Variants in RPTOR observed in about 807,000 individuals in gnomAD.
RPTOR encodes the protein regulatory-associated protein of mTOR.
RPTOR carries 21 observed loss-of-function variants against 169.9 expected under a neutral mutation model. The observed-to-expected ratio is 0.12, with a 90% CI of 0.09 to 0.18. The LOEUF is 0.18. Ranked by LOEUF, RPTOR falls within the 10% of genes least tolerant of loss-of-function variation. The probability of loss-of-function intolerance (pLI) is 1.00; values close to 1 mark genes in which losing one functional copy is unlikely to be tolerated. For missense variants in RPTOR, 1,133 were observed against 1,855.9 expected (o/e 0.61, Z 7.16); for synonymous variants, 732 against 753.2 (o/e 0.97, Z 0.46).
intron 1 of RPTOR, among the ~76,000 whole-genome samples, chr17:80,564,754 T>C (rs534459236): frequency 5.2e-4 from 79 of 152,122 alleles, no homozygotes; most frequent in Non-Finnish European, 6.2e-4. Flanking sequence ...TCCCACCGTC[T>C]ACCCTCAAGT....
chr17:80,923,855 C>G (rs2068778362), intron 23 of RPTOR, 182 bp downstream of exon 23: 1 of 650,006 alleles, frequency 1.5e-6, no homozygotes, highest in Non-Finnish European at 2.6e-6. Context: ...CTCACTCGTG[C>G]ACCCCTCTGC....
At chr17:80,684,478 C>G (rs1326439120) in intron 3 of RPTOR, among the ~76,000 whole-genome samples, 2 of 151,668 alleles carry the variant, frequency 1.3e-5, no homozygotes, top group Non-Finnish European at 2.9e-5. Context: ...TAGTCTCGCT[C>G]TGCCGCCCAG....
intron 1 of RPTOR, among the ~76,000 whole-genome samples, chr17:80,550,467 C>T (rs2084331091): frequency 6.6e-6 from 1 of 152,178 alleles, no homozygotes; most frequent in Admixed American, 6.5e-5. Flanking sequence ...CCCTCCCTAG[C>T]AGATCTCATC....
At chr17:80,590,558 C>T (rs1281859687) in intron 1 of RPTOR, among the ~76,000 whole-genome samples, 2 of 146,618 alleles carry the variant, frequency 1.4e-5, no homozygotes, top group Non-Finnish European at 1.5e-5. Flanking sequence ...TGCAGGTATG[C>T]GCACATGCGT....
chr17:80,648,718 G>A (rs760819632), intron 3 of RPTOR, among the ~76,000 whole-genome samples: 1 of 151,994 alleles, frequency 6.6e-6, no homozygotes, highest in Non-Finnish European at 1.5e-5. Flanking sequence ...CAAATGTTTT[G>A]GAATGAATTT....
intron 3 of RPTOR, among the ~76,000 whole-genome samples, chr17:80,700,997 C>T (rs1404153693): frequency 6.6e-6 from 1 of 152,048 alleles, no homozygotes; most frequent in Non-Finnish European, 1.5e-5. Flanking sequence ...GGGTGAAAGA[C>T]AAGAAGGTGT....
chr17:80,869,161 G>GT lies in RPTOR; in HGVS notation c.1510-11247dup, dbSNP rs201527465. 6.4e-4 allele frequency among the ~76,000 whole-genome samples: 97 copies of GT among 152,016 alleles called. No individual in the cohort carries two copies. The East Asian group carries it at 0.015, about 23-fold the overall frequency. On this transcript the variant is annotated intron_variant, in intron 13 of 33. Transcript: ENST00000306801. The stretch of plus-strand genomic sequence containing the variant: ...ACTGTTCCCTTCTAGATTTTATTTT[G>GT]TTTTTTTATTTTTTCTGAGATAGAG...
intron 13 of RPTOR, among the ~76,000 whole-genome samples, chr17:80,870,319 C>T (rs932991297): frequency 3.3e-5 from 5 of 152,184 alleles, no homozygotes; most frequent in African/African-American, 9.7e-5. Context: ...GGAAGGAACC[C>T]GCACTATGAA....
intron 12 of RPTOR, among the ~76,000 whole-genome samples, chr17:80,855,898 C>T (rs887776786): frequency 6.6e-6 from 1 of 152,210 alleles, no homozygotes; most frequent in African/African-American, 2.4e-5. Flanking sequence ...GCAGCACCCA[C>T]CTCGTGGTGC....
intron 24 of RPTOR, among the ~76,000 whole-genome samples, chr17:80,934,717 G>T (rs2068935721): frequency 6.6e-6 from 1 of 152,104 alleles, no homozygotes. Context: ...AGTTTCGCTG[G>T]CAACTGTACC....
At chr17:80,637,420 C>T (rs186031086) in intron 2 of RPTOR, among the ~76,000 whole-genome samples, 7 of 152,350 alleles carry the variant, frequency 4.6e-5, no homozygotes, top group Admixed American at 1.3e-4. Context: ...CCCCTGCTGA[C>T]GGCCAAGACC....
intron 7 of RPTOR, among the ~76,000 whole-genome samples, chr17:80,813,285 C>T (rs1163391292): frequency 6.6e-6 from 1 of 152,154 alleles, no homozygotes; most frequent in South Asian, 2.1e-4. Context: ...CAGGAATGCA[C>T]GTTTCCTTGG....
intron 26 of RPTOR, among the ~76,000 whole-genome samples, chr17:80,946,185 C>A (rs1053340310): frequency 3.9e-5 from 6 of 152,122 alleles, no homozygotes; most frequent in African/African-American, 1.4e-4. Context: ...TAACTCACAG[C>A]AAATATCGCC....
chr17:80,895,046 T>C (rs1177419767), intron 20 of RPTOR, among the ~76,000 whole-genome samples: 1 of 152,250 alleles, frequency 6.6e-6, no homozygotes, highest in Non-Finnish European at 1.5e-5. Context: ...GTGACTCCAT[T>C]ATCCATTCTC....
intron 4 of RPTOR, among the ~76,000 whole-genome samples, chr17:80,714,021 C>A (rs1337142576): frequency 6.6e-6 from 1 of 152,108 alleles, no homozygotes; most frequent in Admixed American, 6.5e-5. Context: ...TCACTGCAAC[C>A]TCCACCTCCT....
intron 10 of RPTOR, among the ~76,000 whole-genome samples, chr17:80,839,919 A>G (rs1414528179): frequency 1.3e-5 from 2 of 152,200 alleles, no homozygotes; most frequent in Non-Finnish European, 2.9e-5. Flanking sequence ...AACAACTAGA[A>G]TCAATATTCT....
rs1404645329 is a variant in RPTOR, at chr17:80,601,572, TA to T, written c.163-24116del. Among the ~76,000 whole-genome samples the T allele has an allele frequency of 1.6e-4, 8 of 48,598 alleles. 2 individuals carry two copies. Among genetic ancestry groups the T allele is most frequent in the South Asian group, 1.1e-3 (2 of 1,850 alleles). 31.9% of individuals were successfully genotyped at this position (48,598 alleles called of 152,430 possible). ...GGTTCAGTCTTTTTTTTTTTTTTTT[TA>T]AATTTATTTTTTTATTGATAATTCT... On this transcript the variant is annotated intron_variant, in intron 1 of 33. Coordinates refer to ENST00000306801, the MANE Select transcript of RPTOR (RefSeq NM_020761.3).
chr17:80,779,612 C>T lies in RPTOR; in HGVS notation c.831-11838C>T, dbSNP rs2066921173. 2.6e-5 allele frequency among the ~76,000 whole-genome samples: 4 copies of T among 152,214 alleles called. 1 individual carries two copies. In the South Asian group the frequency reaches 8.3e-4, roughly 32 times the overall value. ...CGACACAGTGGGGTTCATCTGCTTG[C>T]GGAAGCCTCTTAAGGGCGGTTGGGA... is the stretch of plus-strand genomic sequence containing the variant. On this transcript the variant is annotated intron_variant, in intron 6 of 33. Coordinates refer to ENST00000306801, the MANE Select transcript of RPTOR (RefSeq NM_020761.3).
intron 3 of RPTOR, among the ~76,000 whole-genome samples, chr17:80,673,459 G>C (rs966628692): frequency 1.3e-5 from 2 of 152,160 alleles, no homozygotes; most frequent in African/African-American, 4.8e-5. Flanking sequence ...ACTTTCCTGG[G>C]CATTTTTCTG....
Sources: allele counts gnomAD v4.1 joint callset (sites outside exome capture counted in the v4.1 genomes callset), GRCh38; gene constraint gnomAD v4.1.1; transcripts MANE v1.5; gene names NCBI Gene and HGNC (gene_info 2026-07-23, HGNC 2026-07-21).